FARS2: variants seen among roughly 807,000 people sequenced by gnomAD.
The protein encoded by FARS2 is phenylalanyl-tRNA synthetase 2, mitochondrial.
FARS2 carries 40 observed loss-of-function variants against 46.4 expected under a neutral mutation model. The ratio of observed to expected loss-of-function variants is 0.86; its 90% confidence interval spans 0.67 to 1.12. FARS2 has a LOEUF of 1.12. Ranked by LOEUF, FARS2 falls within the 50% of genes most tolerant of loss-of-function variation. The probability of loss-of-function intolerance (pLI) is 0.00; values close to 1 mark genes in which losing one functional copy is unlikely to be tolerated. For synonymous variants in FARS2, 234 were observed against 214.9 expected (o/e 1.09, Z -0.78); for missense variants, 513 against 567.9 (o/e 0.90, Z 0.98).
chr6:5,720,096 A>G (rs1189870619), intron 6 of FARS2, among the ~76,000 whole-genome samples: 2 of 152,066 alleles, frequency 1.3e-5, no homozygotes, highest in Non-Finnish European at 2.9e-5. Context: ...TGCATTCACA[A>G]TGCTCTACAT....
intron 6 of FARS2, among the ~76,000 whole-genome samples, chr6:5,734,191 G>A (rs1169404499): frequency 6.6e-6 from 1 of 152,162 alleles, no homozygotes; most frequent in East Asian, 1.9e-4. Context: ...GCTGGAGCAG[G>A]ACCCCTGTCC....
Position 5,613,157 on chromosome 6 carries a change from T to C in FARS2, c.1066-12T>C, listed in dbSNP as rs1479548485. 1 of 1,609,408 alleles carries C rather than the reference T, an allele frequency of 6.2e-7. No homozygotes were observed. Among genetic ancestry groups the C allele is most frequent in the South Asian group, 1.1e-5 (1 of 90,180 alleles). ...ACAAGTTCATGTATCTTTTCTCCTC[T>C]TGTTTTGTTAGCCTCTTAGCAAATA... On this transcript the variant is annotated splice_polypyrimidine_tract_variant and intron_variant, in intron 5 of 6. Transcript: ENST00000274680.
intron 3 of FARS2, among the ~76,000 whole-genome samples, chr6:5,415,814 C>T (rs1231051776): frequency 6.6e-6 from 1 of 152,174 alleles, no homozygotes; most frequent in Non-Finnish European, 1.5e-5. Flanking sequence ...TCAAGCGATG[C>T]GCCCACTTCA....
intron 6 of FARS2, among the ~76,000 whole-genome samples, chr6:5,688,766 A>G (rs947250950): frequency 3.9e-5 from 6 of 152,212 alleles, no homozygotes; most frequent in Admixed American, 1.3e-4. Flanking sequence ...GAATAGTTTC[A>G]ACAGGAATGG....
In FARS2 at chr6:5,448,469, C is replaced by G. The variant is rs1201575448; in HGVS notation, c.904+17297C>G. Among the ~76,000 whole-genome samples the G allele has an allele frequency of 2.6e-4, 20 of 77,298 alleles. 1 individual carries two copies. In the South Asian group the frequency reaches 4.2e-3, roughly 16 times the overall value. 50.7% of individuals were successfully genotyped at this position (77,298 alleles called of 152,430 possible). ...AAAACCAAAGCAGCACACATTTTTTCTGTTTTTTTTTTTTCACTTACAGTG... is the reference window on the plus strand; with the variant it reads ...AAAACCAAAGCAGCACACATTTTTTGTGTTTTTTTTTTTTCACTTACAGTG... On this transcript the variant is annotated intron_variant, in intron 4 of 6. Coordinates refer to ENST00000274680, the MANE Select transcript of FARS2 (RefSeq NM_006567.5).
intron 5 of FARS2, among the ~76,000 whole-genome samples, chr6:5,582,419 T>C (rs1380205606): frequency 1.3e-5 from 2 of 152,248 alleles, no homozygotes; most frequent in Non-Finnish European, 2.9e-5. Flanking sequence ...CTATGCTGAA[T>C]ACTTTGCATG....
intron 4 of FARS2, among the ~76,000 whole-genome samples, chr6:5,518,356 TAAAG>T (rs1768937357): frequency 6.6e-6 from 1 of 152,132 alleles, no homozygotes; most frequent in African/African-American, 2.4e-5. Flanking sequence ...TTGGGAAGAA[TAAAG>T]AGAGAGTTCC....
At position 5,409,308 on chromosome 6, in the gene FARS2, G is replaced by T. The variant is rs147143320; in HGVS notation, c.772+4607G>T. Among the ~76,000 whole-genome samples, 419 of 152,198 alleles carry T rather than the reference G, an allele frequency of 2.8e-3. 2 individuals are homozygous for T. The highest frequency in any genetic ancestry group is 9.5e-3 in the African/African-American group (393 of 41,524). The stretch of plus-strand genomic sequence containing the variant: ...TACTAAAAATACAAAAAAATTAGCT[G>T]GGCGTGGTGGCACACGCCTGTAGTC... On this transcript the variant is annotated intron_variant, in intron 3 of 6. Transcript: ENST00000274680.
chr6:5,464,226 T>C (rs995119228), intron 4 of FARS2, among the ~76,000 whole-genome samples: 1 of 152,242 alleles, frequency 6.6e-6, no homozygotes, highest in African/African-American at 2.4e-5. Flanking sequence ...TAGTTTCTTA[T>C]GTTGCCACCC....
chr6:5,613,977 A>G (rs1180311238), intron 6 of FARS2, among the ~76,000 whole-genome samples: 4 of 152,164 alleles, frequency 2.6e-5, no homozygotes, highest in African/African-American at 7.2e-5. Context: ...CAGATAGCAC[A>G]TGGGAGTCCT....
chr6:5,569,220 G>T (rs1457465150), intron 5 of FARS2, among the ~76,000 whole-genome samples: 9 of 147,150 alleles, frequency 6.1e-5, no homozygotes, highest in Non-Finnish European at 1.0e-4. Context: ...ATTTTGGCCA[G>T]GTGAGTACAG....
At chr6:5,308,249 C>T (rs912156210) in intron 1 of FARS2, among the ~76,000 whole-genome samples, 1 of 152,116 alleles carries the variant, frequency 6.6e-6, no homozygotes, top group Non-Finnish European at 1.5e-5. Flanking sequence ...TAGGTGAAGT[C>T]ACAGAAGCAG....
chr6:5,689,242 T>C (rs1757493320), intron 6 of FARS2, among the ~76,000 whole-genome samples: 1 of 152,126 alleles, frequency 6.6e-6, no homozygotes, highest in Non-Finnish European at 1.5e-5. Flanking sequence ...GCCTTCTAGC[T>C]TTTGAATGTG....
intron 1 of FARS2, among the ~76,000 whole-genome samples, chr6:5,350,260 A>C (rs908532763): frequency 8.8e-5 from 13 of 148,306 alleles, no homozygotes; most frequent in African/African-American, 3.3e-4. Context: ...CTCCTGCCTC[A>C]GCCTCCCAAA....
chr6:5,277,349 G>A (rs1766409752), intron 1 of FARS2, among the ~76,000 whole-genome samples: 2 of 152,090 alleles, frequency 1.3e-5, no homozygotes, highest in Non-Finnish European at 2.9e-5. Flanking sequence ...AAACTAAATT[G>A]ACCCAAGAGA....
intron 4 of FARS2, among the ~76,000 whole-genome samples, chr6:5,479,959 C>T (rs1458478428): frequency 1.3e-5 from 2 of 152,246 alleles, no homozygotes; most frequent in Non-Finnish European, 2.9e-5. Flanking sequence ...TAGGGACCTA[C>T]GGCCCCCTTC....
chr6:5,586,313 C>G (rs1477535665), intron 5 of FARS2, among the ~76,000 whole-genome samples: 1 of 152,106 alleles, frequency 6.6e-6, no homozygotes, highest in African/African-American at 2.4e-5. Context: ...GAAAAGCTTT[C>G]AGCTTTTCAA....
intron 5 of FARS2, among the ~76,000 whole-genome samples, chr6:5,581,130 G>A (rs182495380): frequency 2.0e-5 from 3 of 152,354 alleles, no homozygotes; most frequent in Admixed American, 2.0e-4. Flanking sequence ...TTCACAACTG[G>A]ATTTGCAGCA....
At chr6:5,737,563 G>A (rs1428505546) in intron 6 of FARS2, among the ~76,000 whole-genome samples, 1 of 152,198 alleles carries the variant, frequency 6.6e-6, no homozygotes, top group Non-Finnish European at 1.5e-5. Flanking sequence ...GAAGGGAAGT[G>A]AGCCCCCTCC....
Sources: gnomAD v4.1 joint callset for allele counts (sites outside exome capture counted in the v4.1 genomes callset) on GRCh38, gnomAD v4.1.1 for gene constraint, MANE v1.5 for transcripts, NCBI Gene and HGNC (gene_info 2026-07-23, HGNC 2026-07-21) for gene names.